Variants in NEGR1 observed in about 807,000 individuals in gnomAD.
The protein encoded by NEGR1 is IgLON family member 4.
In NEGR1, 10 loss-of-function variants were observed where a neutral mutation model predicts 40.9. The ratio of observed to expected loss-of-function variants is 0.24; its 90% CI spans 0.15 to 0.42. The LOEUF is 0.42. Among genes scored for constraint, NEGR1 ranks in the 10% least tolerant of loss-of-function variants. The pLI, the probability that NEGR1 is intolerant of heterozygous loss-of-function variation, is 1.00. For synonymous variants in NEGR1, 185 were observed against 166.8 expected, an observed-to-expected ratio of 1.11 and a Z score of -0.84; for missense variants, 352 against 438.9, an observed-to-expected ratio of 0.80 and a Z score of 1.77.
chr1:72,017,079 CATATACAAATA>C (rs929082341), intron 1 of NEGR1, among the ~76,000 whole-genome samples: 11 of 151,598 alleles, frequency 7.3e-5, no homozygotes, highest in African/African-American at 1.9e-4. Context: ...AATGTGCATA[CATATACAAATA>C]ATATACAAAT....
chr1:72,002,181 T>G (rs1034655258), intron 1 of NEGR1, among the ~76,000 whole-genome samples: 1 of 152,108 alleles, frequency 6.6e-6, no homozygotes, highest in African/African-American at 2.4e-5. Flanking sequence ...TTAAACTCAT[T>G]TCCTTCCTGC....
chr1:71,710,665 C>A (rs1404355417), intron 3 of NEGR1, among the ~76,000 whole-genome samples: 1 of 151,806 alleles, frequency 6.6e-6, no homozygotes, highest in Non-Finnish European at 1.5e-5. Context: ...TTTGTGGTAT[C>A]TAAAAATAAT....
intron 6 of NEGR1, among the ~76,000 whole-genome samples, chr1:71,416,773 C>G (rs1392849584): frequency 6.6e-6 from 1 of 152,192 alleles, no homozygotes; most frequent in East Asian, 1.9e-4. Flanking sequence ...CTCTCCATTC[C>G]CAGGACACAT....
intron 6 of NEGR1, among the ~76,000 whole-genome samples, chr1:71,535,164 A>G (rs891928403): frequency 6.6e-6 from 1 of 151,756 alleles, no homozygotes; most frequent in Non-Finnish European, 1.5e-5. Context: ...TTTAATCAGA[A>G]TATTTATTGA....
chr1:71,739,348 C>G (rs894450403), intron 3 of NEGR1, among the ~76,000 whole-genome samples: 2 of 151,914 alleles, frequency 1.3e-5, no homozygotes, highest in African/African-American at 4.8e-5. Flanking sequence ...GACTGGCTTC[C>G]TCGCTCCTCA....
chr1:71,578,932 CA>C (rs1280563608), intron 6 of NEGR1, among the ~76,000 whole-genome samples: 1 of 151,978 alleles, frequency 6.6e-6, no homozygotes, highest in African/African-American at 2.4e-5. Context: ...TGAGGAATAT[CA>C]AAAGTCGTAG....
chr1:72,161,854 G>A (rs1475141144), intron 1 of NEGR1, among the ~76,000 whole-genome samples: 1 of 150,518 alleles, frequency 6.6e-6, no homozygotes, highest in Non-Finnish European at 1.5e-5. Context: ...TTTTTGTTTT[G>A]TTTTGTTTTG....
intron 1 of NEGR1, chr1:72,274,968 G>A: frequency 1.3e-6 from 2 of 1,520,810 alleles, no homozygotes; most frequent in Non-Finnish European, 9.1e-7. Context: ...CAGCACAAGG[G>A]AAGTACATTG....
At chr1:72,142,698 T>G (rs1650733305) in intron 1 of NEGR1, among the ~76,000 whole-genome samples, 1 of 151,886 alleles carries the variant, frequency 6.6e-6, no homozygotes, top group South Asian at 2.1e-4. Context: ...ACAATCTCAT[T>G]GAATTCTAAC....
chr1:72,013,108 C>T (rs148125144), intron 1 of NEGR1, among the ~76,000 whole-genome samples: 9 of 151,800 alleles, frequency 5.9e-5, no homozygotes, highest in African/African-American at 2.2e-4. Context: ...GGAATATAGA[C>T]AATTCTTTTT....
intron 1 of NEGR1, among the ~76,000 whole-genome samples, chr1:72,016,203 T>A (rs1646708974): frequency 6.6e-6 from 1 of 152,086 alleles, no homozygotes; most frequent in Non-Finnish European, 1.5e-5. Context: ...ACAAAATAAT[T>A]GATGAAATGT....
intron 3 of NEGR1, among the ~76,000 whole-genome samples, chr1:71,754,798 A>G (rs931510107): frequency 6.6e-6 from 1 of 152,124 alleles, no homozygotes; most frequent in African/African-American, 2.4e-5. Flanking sequence ...AACTCATTAG[A>G]TCACTTTCTG....
chr1:71,921,674 T>TTA (rs767796809), intron 2 of NEGR1, among the ~76,000 whole-genome samples: 1 of 142,554 alleles, frequency 7.0e-6, no homozygotes, highest in Non-Finnish European at 1.5e-5. Context: ...ATATAGAATA[T>TTA]TATATATATA....
intron 6 of NEGR1, among the ~76,000 whole-genome samples, chr1:71,564,661 A>C (rs1648561240): frequency 6.6e-6 from 1 of 152,142 alleles, no homozygotes; most frequent in African/African-American, 2.4e-5. Context: ...GAAATAAGAA[A>C]ATTTTTTATA....
intron 1 of NEGR1, among the ~76,000 whole-genome samples, chr1:72,203,749 GA>G (rs1032682726): frequency 6.6e-6 from 1 of 151,960 alleles, no homozygotes; most frequent in Admixed American, 6.6e-5. Flanking sequence ...CTTATTTGAA[GA>G]AATTTCCCCA....
At chr1:71,447,091 G>T (rs1646587392) in intron 6 of NEGR1, among the ~76,000 whole-genome samples, 1 of 152,224 alleles carries the variant, frequency 6.6e-6, no homozygotes, top group African/African-American at 2.4e-5. Context: ...CAGGAGGTGA[G>T]CAGCAGGAGA....
At chr1:72,247,913 T>G (rs946440504) in intron 1 of NEGR1, among the ~76,000 whole-genome samples, 7 of 152,134 alleles carry the variant, frequency 4.6e-5, no homozygotes, top group Admixed American at 3.9e-4. Context: ...AACATCCGCT[T>G]GGATTCTGGG....
At chr1:71,845,066 G>C (rs1429036774) in intron 2 of NEGR1, among the ~76,000 whole-genome samples, 1 of 152,108 alleles carries the variant, frequency 6.6e-6, no homozygotes, top group Non-Finnish European at 1.5e-5. Flanking sequence ...AATAGACAAT[G>C]GTTCTTTTTC....
At chr1:72,182,871 G>T (rs1652436581) in intron 1 of NEGR1, among the ~76,000 whole-genome samples, 1 of 150,680 alleles carries the variant, frequency 6.6e-6, no homozygotes, top group African/African-American at 2.4e-5. Context: ...CCACAGGTTT[G>T]CTTTTTAGCA....
Sources: gnomAD v4.1 joint callset for allele counts (sites outside exome capture counted in the v4.1 genomes callset) on GRCh38, gnomAD v4.1.1 for gene constraint, MANE v1.5 for transcripts, NCBI Gene and HGNC (gene_info 2026-07-23, HGNC 2026-07-21) for gene names.